KLHDC4: variants seen among roughly 807,000 people sequenced by gnomAD.
The protein encoded by KLHDC4 is kelch domain containing 4, also known as kelch domain-containing protein 4.
A neutral mutation model predicts 62.4 loss-of-function variants in KLHDC4; 90 were observed. That is an observed-to-expected ratio of 1.44 (90% CI 1.22 to 1.72). The LOEUF (loss-of-function observed/expected upper bound fraction) is 1.72. KLHDC4 is among the 40% of genes most tolerant of loss of function. The pLI is 0.00. For missense variants in KLHDC4, 1,025 were observed against 699.7 expected (o/e 1.47, Z -5.25); for synonymous variants, 386 against 284.4 (o/e 1.36, Z -3.59).
intron 6 of KLHDC4, among the ~76,000 whole-genome samples, chr16:87,729,898 C>G (rs551252984): frequency 1.8e-4 from 27 of 152,334 alleles, no homozygotes; most frequent in Middle Eastern, 3.4e-3. Flanking sequence ...AGCACTCTAA[C>G]CAGCCCTCTA....
At chr16:87,755,338 C>A in intron 3 of KLHDC4, 46 bp from the exon 4 acceptor site, 1 of 1,014,678 alleles carries the variant, frequency 9.9e-7, no homozygotes, top group Non-Finnish European at 1.6e-6. Flanking sequence ...GATACGCTTC[C>A]AAGGAAGTGG....
Position 87,711,258 on chromosome 16 carries a change from G to A in KLHDC4, c.1021C>T (p.Arg341Cys), listed in dbSNP as rs141733244. The A allele has an allele frequency of 3.0e-5, 48 of 1,613,982 alleles. 1 individual carries two copies. The highest frequency in any genetic ancestry group is 3.3e-4 in the Middle Eastern group (2 of 6,084). The change falls in exon 9 of 12, where the codon CGT (arginine) becomes TGT (cysteine). Residue 341 changes from arginine to cysteine, a missense_variant. Physicochemically the swap from Arg to Cys is radical, Grantham distance 180. Transcript: ENST00000270583. ...DLYFYDATRN[R>C]WFEGQLKGPK... The stretch of plus-strand genomic sequence containing the variant: ...ACCTTCAGCTGTCCCTCAAACCAAC[G>A]GTTCCTGGTGGCGTCGTAGAAGTAC...
chr16:87,729,943 CATTTT>C (rs960706210), intron 6 of KLHDC4, among the ~76,000 whole-genome samples: 1 of 152,160 alleles, frequency 6.6e-6, no homozygotes, highest in African/African-American at 2.4e-5. Context: ...TTGAGAATCC[CATTTT>C]ATTTTTTTAT....
intron 7 of KLHDC4, among the ~76,000 whole-genome samples, chr16:87,721,916 C>A (rs2038435779): frequency 6.6e-6 from 1 of 152,146 alleles, no homozygotes; most frequent in Non-Finnish European, 1.5e-5. Context: ...GGAAACAGAC[C>A]ACTAGGTGAT....
At chr16:87,700,158 A>AGACAGCGGAAG (rs1171973166) in exon 1 of KLHDC4, 1 of 152,598 alleles carries the variant, frequency 6.6e-6, no homozygotes, top group Non-Finnish European at 1.5e-5. Flanking sequence ...GCTCTGCAGG[A>AGACAGCGGAAG]GACAGCGGAA....
intron 7 of KLHDC4, among the ~76,000 whole-genome samples, chr16:87,725,711 GTGAAGC>G (rs1198340904): frequency 6.6e-6 from 1 of 152,216 alleles, no homozygotes; most frequent in Non-Finnish European, 1.5e-5. Flanking sequence ...AGCCGCCTCT[GTGAAGC>G]ACACGCCCCA....
At position 87,709,469 on chromosome 16, in the gene KLHDC4, C is replaced by G; in HGVS notation, c.1243G>C (p.Asp415His). 1 of 1,611,730 alleles carries G rather than the reference C, an allele frequency of 6.2e-7. No homozygotes were observed. The highest frequency in any genetic ancestry group is 2.2e-5 in the East Asian group (1 of 44,874). Residue 415 changes from aspartate (D) to histidine (H), a missense_variant, in exon 10 of 12, where the codon GAC (aspartate) becomes CAC (histidine). Coordinates refer to ENST00000270583, the MANE Select transcript of KLHDC4 (RefSeq NM_017566.4). The stretch of plus-strand genomic sequence containing the variant: ...CCGGCCTCCTCAAGGCTGTCTTCGT[C>G]CTCAGACCGGGGCTGCCCCGCCGAG... ...PGSAGQPRSE[D>H]EDSLEEAGSP...
chr16:87,705,486 A>C (rs1047509509), downstream of KLHDC4, among the ~76,000 whole-genome samples: 5 of 152,214 alleles, frequency 3.3e-5, no homozygotes, highest in Non-Finnish European at 7.3e-5. Flanking sequence ...ATTCAAACCA[A>C]ATCTTTAGCA....
chr16:87,709,766 C>A, intron 9 of KLHDC4, 99 bp from the exon 10 acceptor site: 36 of 1,361,614 alleles, frequency 2.6e-5, no homozygotes, highest in Non-Finnish European at 3.5e-5. Flanking sequence ...CGGGGACCAC[C>A]CACAAGCGTG....
intron 5 of KLHDC4, among the ~76,000 whole-genome samples, chr16:87,733,887 C>A (rs1045043345): frequency 7.2e-5 from 11 of 152,252 alleles, no homozygotes; most frequent in Non-Finnish European, 1.3e-4. Flanking sequence ...CAGGTCACAG[C>A]AACTCTGGGC....
At chr16:87,712,016 AC>A (rs960780326) in intron 8 of KLHDC4, among the ~76,000 whole-genome samples, 2 of 150,234 alleles carry the variant, frequency 1.3e-5, no homozygotes, top group Non-Finnish European at 3.0e-5. Context: ...TTGGGCCTGC[AC>A]GGGGACCCTC....
downstream of KLHDC4, among the ~76,000 whole-genome samples, chr16:87,705,199 G>A (rs1183117082): frequency 2.0e-5 from 3 of 152,176 alleles, no homozygotes; most frequent in South Asian, 6.2e-4. Context: ...AGCAGCTCCC[G>A]GGAGACAGAG....
In KLHDC4 at chr16:87,756,379, G is replaced by T. The variant is rs1206110329; in HGVS notation, c.270+20C>A. On this transcript the variant is annotated intron_variant, in intron 3 of 11. Transcript: ENST00000270583. ...ATACTCACGCAACATGGGAAGAAAA[G>T]AAAAAAATATATACTTTACTTTTTG... 5.1e-6 allele frequency: 8 copies of T among 1,575,308 alleles called. No homozygotes were observed. Among genetic ancestry groups the T allele is most frequent in the African/African-American group, 4.1e-5 (3 of 73,950 alleles).
chr16:87,764,971 T>C (rs757226506), intron 1 of KLHDC4: 4 of 369,626 alleles, frequency 1.1e-5, no homozygotes, highest in African/African-American at 4.2e-5. Flanking sequence ...GAGCTCCTGA[T>C]TCAGGACATC....
At chr16:87,744,035 T>G (rs922099040) in intron 5 of KLHDC4, among the ~76,000 whole-genome samples, 1 of 152,098 alleles carries the variant, frequency 6.6e-6, no homozygotes, top group Admixed American at 6.6e-5. Context: ...TCCCAGCAAT[T>G]TGGGAGGCCG....
Position 87,708,382 on chromosome 16 carries a change from T to C in KLHDC4, c.1532A>G (p.Asp511Gly). The stretch of plus-strand genomic sequence containing the variant: ...CTCCGCACCGCTCTCCTCTCCGCTG[T>C]CTTCGTCGTCGACCCCACCCTCGGC... ...EGAEGGVDDE[D>G]SGEESGAED Residue 511 changes from aspartate (D) to glycine (G), a missense_variant, in exon 11 of 12, where the codon GAC becomes GGC. Asp to Gly is a moderately conservative substitution (Grantham distance 94, BLOSUM62 -1). Coordinates refer to ENST00000270583, the MANE Select transcript of KLHDC4 (RefSeq NM_017566.4). 9.3e-6 allele frequency: 15 copies of C among 1,610,558 alleles called. No homozygotes were observed. The highest frequency in any genetic ancestry group is 1.3e-5 in the Non-Finnish European group (15 of 1,179,028).
intron 5 of KLHDC4, among the ~76,000 whole-genome samples, chr16:87,745,186 C>T (rs1409124117): frequency 6.6e-6 from 1 of 152,216 alleles, no homozygotes. Context: ...GGCATGTTCT[C>T]TCCACCCTCA....
Position 87,711,238 on chromosome 16 carries a change from C to A in KLHDC4, c.1041G>T (p.Leu347=). The change falls in exon 9 of 12, where the codon CTG becomes CTT. Residue 347 remains leucine, a synonymous_variant. Transcript: ENST00000270583. ...TGCTACTCAGAGGTTGCACTACCTTCAGCTGTCCCTCAAACCAACGGTTCC... is the reference window on the plus strand; with the variant it reads ...TGCTACTCAGAGGTTGCACTACCTTAAGCTGTCCCTCAAACCAACGGTTCC... ...ATRNRWFEGQ[L]KGPKSEKKKR... 1 of 1,614,020 alleles carries A rather than the reference C, an allele frequency of 6.2e-7. No homozygotes were observed.
intron 5 of KLHDC4, among the ~76,000 whole-genome samples, chr16:87,741,253 A>T (rs2042196159): frequency 6.6e-6 from 1 of 152,216 alleles, no homozygotes; most frequent in Non-Finnish European, 1.5e-5. Flanking sequence ...AACACATAGC[A>T]GAAGGCAGCC....
Sources: allele counts gnomAD v4.1 joint callset (sites outside exome capture counted in the v4.1 genomes callset), GRCh38; gene constraint gnomAD v4.1.1; transcripts MANE v1.5; gene names NCBI Gene and HGNC (gene_info 2026-07-23, HGNC 2026-07-21).